The following HDAC2 variants were observed in gnomAD, a reference collection of about 807,000 sequenced individuals.
HDAC2 encodes the protein histone deacetylase 2, also known as YY1-associated factor 1.
In HDAC2, 5 loss-of-function variants were observed where a neutral mutation model predicts 68.5. The ratio of observed to expected loss-of-function variants is 0.07; its 90% CI spans 0.04 to 0.15. The LOEUF (loss-of-function observed/expected upper bound fraction) is 0.15, where lower values mean the gene tolerates loss of function less well. HDAC2 is among the 10% of genes least tolerant of loss of function. The probability of loss-of-function intolerance (pLI) is 1.00; values close to 1 mark genes in which losing one functional copy is unlikely to be tolerated. For synonymous variants in HDAC2, 182 were observed against 191.3 expected, an observed-to-expected ratio of 0.95 and a Z score of 0.40; for missense variants, 291 against 600.8, an observed-to-expected ratio of 0.48 and a Z score of 5.39.
At chr6:113,960,347 C>T (rs1776653426) in intron 1 of HDAC2, among the ~76,000 whole-genome samples, 1 of 151,986 alleles carries the variant, frequency 6.6e-6, no homozygotes. Context: ...CTGGCAAATT[C>T]ACATGCTTTT....
intron 11 of HDAC2, among the ~76,000 whole-genome samples, chr6:113,944,049 A>G (rs1279239012): frequency 2.6e-5 from 4 of 152,214 alleles, no homozygotes; most frequent in Non-Finnish European, 5.9e-5. Context: ...TAAAGTTGCT[A>G]ATTTTTGAAA....
At position 113,941,747 on chromosome 6, in the gene HDAC2, T is replaced by C; in HGVS notation, c.1397A>G (p.Lys466Arg). 7.0e-7 allele frequency: 1 copy of C among 1,435,966 alleles called. No homozygotes were observed. The highest frequency in any genetic ancestry group is 1.3e-5 in the South Asian group (1 of 75,422). 89.0% of individuals were successfully genotyped at this position (1,435,966 alleles called of 1,614,324 possible). A position where few individuals can be genotyped will look rare whatever the true frequency, so the allele number is the denominator to read the frequency against. Residue 466 changes from lysine (K) to arginine (R), a missense_variant, in exon 13 of 14, where the codon AAA becomes AGA. Physicochemically the swap from Lys to Arg is conservative, Grantham distance 26. Transcript: ENST00000519065. ...DKKTDVKEED[K>R]SKDNSGEKTD... ...TTTTTCACCACTGTTGTCCTTGGATTTATCTTCTTCCTTAACGTCTAAAAA... is the reference window on the plus strand; with the variant it reads ...TTTTTCACCACTGTTGTCCTTGGATCTATCTTCTTCCTTAACGTCTAAAAA...
intron 1 of HDAC2, 126 bp downstream of exon 1, chr6:113,970,731 A>C: frequency 7.1e-7 from 1 of 1,414,414 alleles, no homozygotes. Context: ...GAACGGGTTA[A>C]GATGCGGCCA....
chr6:113,956,234 G>T, intron 4 of HDAC2, 83 bp from the exon 5 acceptor site: 1 of 1,117,396 alleles, frequency 8.9e-7, no homozygotes, highest in Non-Finnish European at 1.3e-6. Flanking sequence ...ACAAGTGTAT[G>T]CCATGCATAA....
intron 1 of HDAC2, among the ~76,000 whole-genome samples, chr6:113,967,981 T>C (rs1173460615): frequency 1.3e-5 from 2 of 152,262 alleles, no homozygotes; most frequent in East Asian, 1.9e-4. Flanking sequence ...TGTCTGAAGG[T>C]TCCCTTGGGA....
At chr6:113,953,124 G>C (rs957731339) in intron 6 of HDAC2, among the ~76,000 whole-genome samples, 153 bp downstream of exon 6, 2 of 152,182 alleles carry the variant, frequency 1.3e-5, no homozygotes, top group African/African-American at 4.8e-5. Context: ...CAGCAACAGT[G>C]AATTCTAGCA....
chr6:113,971,019 G>T lies in HDAC2; in HGVS notation c.-111C>A, dbSNP rs745603514. ...AAAGGGCTGAGGGAAACGTGGGGGC[G>T]ATAGTCCCGCGGGGAAGGGCAGGCC... On this transcript the variant is annotated 5_prime_UTR_variant, in exon 1 of 14. Coordinates refer to ENST00000519065, the MANE Select transcript of HDAC2 (RefSeq NM_001527.4). 58 of 1,576,630 alleles carry T rather than the reference G, an allele frequency of 3.7e-5. No individual in the cohort carries two copies. The highest frequency in any genetic ancestry group is 4.9e-5 in the Non-Finnish European group (57 of 1,160,568).
chr6:113,946,826 C>A (rs1442383410), intron 8 of HDAC2: 1 of 151,942 alleles, frequency 6.6e-6, no homozygotes, highest in Non-Finnish European at 1.5e-5. Context: ...ATAACTCAAT[C>A]TTTAAAGAAG....
intron 11 of HDAC2, among the ~76,000 whole-genome samples, chr6:113,943,928 T>C (rs1258398092): frequency 6.6e-6 from 1 of 152,228 alleles, no homozygotes; most frequent in Non-Finnish European, 1.5e-5. Context: ...TATGCTACAA[T>C]CTAACCATCA....
rs1776563429 is a variant in HDAC2, at chr6:113,956,785, G to C, written c.284-92C>G. ...AACTATTTCCCACAAATACTTTTTTGCTTGATGCAATCATCAAACATACAC... is the reference window on the plus strand; with the variant it reads ...AACTATTTCCCACAAATACTTTTTTCCTTGATGCAATCATCAAACATACAC... On this transcript the variant is annotated intron_variant, in intron 3 of 13. Transcript: ENST00000519065. 28 of 877,126 alleles carry C rather than the reference G, an allele frequency of 3.2e-5. 1 individual carries two copies. Among genetic ancestry groups the C allele is most frequent in the Non-Finnish European group, 4.9e-5 (26 of 533,016 alleles). The allele number at this position is 877,126 out of a possible 1,614,324, so 54.3% of individuals were successfully genotyped here.
intron 2 of HDAC2, among the ~76,000 whole-genome samples, chr6:113,959,247 T>A (rs890042067): frequency 1.3e-5 from 2 of 152,132 alleles, no homozygotes; most frequent in African/African-American, 2.4e-5. Context: ...ACTTCCAGAC[T>A]GAGTCTTATT....
rs1193065751 is a variant in HDAC2, at chr6:113,939,819, A to G, written c.*1239T>C. 6.6e-6 allele frequency: 1 copy of G among 152,228 alleles called. No individual in the cohort carries two copies. Among genetic ancestry groups the G allele is most frequent in the Non-Finnish European group, 1.5e-5 (1 of 68,042 alleles). 9.4% of individuals were successfully genotyped at this position (152,228 alleles called of 1,614,324 possible). A position where few individuals can be genotyped will look rare whatever the true frequency, so the allele number is the denominator to read the frequency against. ...AGTCGGGGTGGGTGCACAGCTGTTC[A>G]TTACAAAAGTCTAGGTGCTATTGTG... On this transcript the variant is annotated 3_prime_UTR_variant, in exon 14 of 14. Transcript: ENST00000519065.
At chr6:113,970,800 C>A (rs1776980685) in intron 1 of HDAC2, 57 bp downstream of exon 1, 3 of 1,465,232 alleles carry the variant, frequency 2.0e-6, no homozygotes, top group Non-Finnish European at 2.7e-6. Context: ...CGACGGCAGC[C>A]GCGGAACCCA....
At chr6:113,944,853 G>A (rs997114238) in intron 10 of HDAC2, among the ~76,000 whole-genome samples, 2 of 152,174 alleles carry the variant, frequency 1.3e-5, no homozygotes, top group African/African-American at 2.4e-5. Context: ...ACAAAGGCAA[G>A]TGAACTTATC....
chr6:113,954,218 G>T (rs2058773627), intron 5 of HDAC2, among the ~76,000 whole-genome samples: 1 of 152,186 alleles, frequency 6.6e-6, no homozygotes, highest in Admixed American at 6.5e-5. Flanking sequence ...GAAGTATAGT[G>T]AAGTGAGATA....
At chr6:113,958,876 C>G in intron 2 of HDAC2, 110 bp from the exon 3 acceptor site, 1 of 733,246 alleles carries the variant, frequency 1.4e-6, no homozygotes, top group South Asian at 1.6e-5. Flanking sequence ...ACCAAGTCTA[C>G]CAGAACAAAA....
rs770124758 is a variant in HDAC2 at position 113,956,156 on chromosome 6, G to T, written c.359-5C>A. On this transcript the variant is annotated splice_polypyrimidine_tract_variant and splice_region_variant and intron_variant, in intron 4 of 13. Transcript: ENST00000519065. ...GGTTTAACTTCACAGCTCCAGCTAA[G>T]AAGTAGAAACAAGATAGACCTTTTA... is the stretch of plus-strand genomic sequence containing the variant. The T allele has an allele frequency of 6.3e-7, 1 of 1,594,836 alleles. No homozygotes were observed. Among genetic ancestry groups the T allele is most frequent in the South Asian group, 1.1e-5 (1 of 86,994 alleles).
chr6:113,968,229 C>T (rs1176896563), intron 1 of HDAC2: 3 of 152,122 alleles, frequency 2.0e-5, no homozygotes, highest in Non-Finnish European at 4.4e-5. Context: ...CCTTCTACTT[C>T]CTTTACCAAG....
At chr6:113,941,168 C>T in intron 13 of HDAC2, 80 bp from the exon 14 acceptor site, 1 of 984,158 alleles carries the variant, frequency 1.0e-6, no homozygotes, top group East Asian at 2.5e-5. Flanking sequence ...TTGATCAGGT[C>T]CTGTAGGCTC....
Sources: gnomAD v4.1 joint callset for allele counts (sites outside exome capture counted in the v4.1 genomes callset) on GRCh38, gnomAD v4.1.1 for gene constraint, MANE v1.5 for transcripts, NCBI Gene and HGNC (gene_info 2026-07-23, HGNC 2026-07-21) for gene names.